Variants in MACROD2 observed in about 807,000 individuals in gnomAD.
MACROD2 encodes mono-ADP ribosylhydrolase 2, also known as ADP-ribose glycohydrolase MACROD2.
In MACROD2, 36 loss-of-function variants were observed where a neutral mutation model predicts 70.4. The ratio of observed to expected loss-of-function variants is 0.51; its 90% CI spans 0.39 to 0.68. The LOEUF (loss-of-function observed/expected upper bound fraction) is 0.68, where lower values mean the gene tolerates loss of function less well. MACROD2 is among the 30% of genes least tolerant of loss of function. The pLI, the probability that MACROD2 is intolerant of heterozygous loss-of-function variation, is 0.00. For synonymous variants in MACROD2, 172 were observed against 178.8 expected, an observed-to-expected ratio of 0.96 and a Z score of 0.30; for missense variants, 496 against 538.4, an observed-to-expected ratio of 0.92 and a Z score of 0.78.
chr20:15,327,412 G>A (rs2077942417), intron 6 of MACROD2, among the ~76,000 whole-genome samples: 1 of 152,086 alleles, frequency 6.6e-6, no homozygotes, highest in Non-Finnish European at 1.5e-5. Context: ...AATTTCTAAA[G>A]GAAAGAGATT....
chr20:14,740,072 G>A (rs1403981353), intron 5 of MACROD2, among the ~76,000 whole-genome samples: 2 of 152,028 alleles, frequency 1.3e-5, no homozygotes, highest in African/African-American at 2.4e-5. Context: ...GGGATGATGG[G>A]TATGTTTCCT....
At chr20:15,573,453 G>T (rs1296650270) in intron 8 of MACROD2, among the ~76,000 whole-genome samples, 1 of 152,050 alleles carries the variant, frequency 6.6e-6, no homozygotes, top group Non-Finnish European at 1.5e-5. Context: ...ATCAGCAAAG[G>T]TTTTTCTCTA....
At chr20:14,140,205 C>T (rs1485366420) in intron 3 of MACROD2, among the ~76,000 whole-genome samples, 3 of 152,240 alleles carry the variant, frequency 2.0e-5, no homozygotes, top group East Asian at 1.9e-4. Flanking sequence ...AGTGGTTTGT[C>T]ATTTACTAGG....
chr20:15,648,329 T>A (rs2049585484), intron 8 of MACROD2, among the ~76,000 whole-genome samples: 1 of 152,226 alleles, frequency 6.6e-6, no homozygotes, highest in Admixed American at 6.5e-5. Flanking sequence ...GCCTTCTTGC[T>A]ATCACTTGAA....
intron 3 of MACROD2, among the ~76,000 whole-genome samples, chr20:14,402,026 A>G (rs2083643065): frequency 6.6e-6 from 1 of 152,136 alleles, no homozygotes; most frequent in South Asian, 2.1e-4. Context: ...TAATATACTT[A>G]GATATAGAAA....
At chr20:15,547,117 G>A (rs1242116089) in intron 8 of MACROD2, among the ~76,000 whole-genome samples, 1 of 152,112 alleles carries the variant, frequency 6.6e-6, no homozygotes, top group Non-Finnish European at 1.5e-5. Context: ...ACCACCCAAG[G>A]TCTACTTAAA....
At chr20:14,532,121 T>C (rs374100570) in intron 4 of MACROD2, among the ~76,000 whole-genome samples, 2 of 152,144 alleles carry the variant, frequency 1.3e-5, no homozygotes, top group Non-Finnish European at 2.9e-5. Flanking sequence ...CCTGTGCTTA[T>C]GCTGAAGGAC....
chr20:14,734,787 G>A lies in MACROD2; in HGVS notation c.418+49828G>A, dbSNP rs182972524. Among the ~76,000 whole-genome samples, 315 of 152,130 alleles carry A rather than the reference G, an allele frequency of 2.1e-3. 1 individual carries two copies. Among genetic ancestry groups the A allele is most frequent in the African/African-American group, 7.1e-3 (296 of 41,512 alleles). ...ACAGCTTGGTACTGGCATGAATATA[G>A]GCATATAGACCAATGAAATAGAATT... On this transcript the variant is annotated intron_variant, in intron 5 of 17. Coordinates refer to ENST00000684519, the MANE Select transcript of MACROD2 (RefSeq NM_001351661.2).
chr20:14,292,684 G>A (rs1384941359), intron 3 of MACROD2, among the ~76,000 whole-genome samples: 1 of 151,880 alleles, frequency 6.6e-6, no homozygotes, highest in Non-Finnish European at 1.5e-5. Context: ...GCCCAGGCTG[G>A]AGTGCAGAGG....
chr20:14,278,996 A>G (rs1323261408), intron 3 of MACROD2, among the ~76,000 whole-genome samples: 1 of 152,152 alleles, frequency 6.6e-6, no homozygotes, highest in Non-Finnish European at 1.5e-5. Context: ...AGCTGGGGGT[A>G]ATGTAGGGTA....
At chr20:15,678,447 C>T (rs2050106920) in intron 8 of MACROD2, among the ~76,000 whole-genome samples, 2 of 151,804 alleles carry the variant, frequency 1.3e-5, no homozygotes, top group Admixed American at 6.6e-5. Flanking sequence ...GCAAGCTCTG[C>T]CTCCCGGGTT....
At position 15,401,462 on chromosome 20, in the gene MACROD2, A is replaced by G. The variant is rs143568232; in HGVS notation, c.541-29943A>G. On this transcript the variant is annotated intron_variant, in intron 6 of 17. Coordinates refer to ENST00000684519, the MANE Select transcript of MACROD2 (RefSeq NM_001351661.2). ...ATGACCTCCAAGGACAAGGGCCCTT[A>G]TTCCACTAATATGAGCTATGATGGC... 9.8e-5 allele frequency among the ~76,000 whole-genome samples: 15 copies of G among 152,310 alleles called. No individual in the cohort carries two copies. The East Asian group carries it at 2.5e-3, about 26-fold the overall frequency.
chr20:14,187,139 G>GAAAAAAAAAAAAAAAAAA (rs71335951), intron 3 of MACROD2, among the ~76,000 whole-genome samples: 2 of 112,974 alleles, frequency 1.8e-5, no homozygotes, highest in Admixed American at 8.6e-5. Flanking sequence ...TTTAAAAAAG[G>GAAAAAAAAAAAAAAAAAA]AAAAAAAAAA....
At chr20:15,254,393 T>G (rs1196062253) in intron 6 of MACROD2, among the ~76,000 whole-genome samples, 1 of 152,114 alleles carries the variant, frequency 6.6e-6, no homozygotes, top group Non-Finnish European at 1.5e-5. Flanking sequence ...CTGCCTTCAG[T>G]TTTTGTTTTT....
At position 15,473,737 on chromosome 20, in the gene MACROD2, C is replaced by T. The variant is rs142729731; in HGVS notation, c.572-26037C>T. Among the ~76,000 whole-genome samples the T allele has an allele frequency of 6.2e-3, 943 of 152,330 alleles. 10 individuals are homozygous for T. Among genetic ancestry groups the T allele is most frequent in the African/African-American group, 0.022 (899 of 41,570 alleles). On this transcript the variant is annotated intron_variant, in intron 7 of 17. Coordinates refer to ENST00000684519, the MANE Select transcript of MACROD2 (RefSeq NM_001351661.2). ...AGTTTCCAACTCTGCTAATATCCAT[C>T]CTGCTCTTAACAGCTTCCTGACTTG...
chr20:15,295,897 C>T (rs752519442), intron 6 of MACROD2, among the ~76,000 whole-genome samples: 11 of 152,258 alleles, frequency 7.2e-5, no homozygotes, highest in Non-Finnish European at 1.2e-4. Context: ...ACGAGACCCT[C>T]GGCTAATAGA....
At chr20:14,670,841 G>A (rs572491619) in intron 4 of MACROD2, among the ~76,000 whole-genome samples, 29 of 152,204 alleles carry the variant, frequency 1.9e-4, no homozygotes, top group African/African-American at 5.3e-4. Context: ...TAGTCAGCAC[G>A]CCCATGTTGA....
intron 6 of MACROD2, among the ~76,000 whole-genome samples, chr20:15,327,995 T>C (rs2077950399): frequency 6.6e-6 from 1 of 152,006 alleles, no homozygotes; most frequent in African/African-American, 2.4e-5. Context: ...AATAACTAAA[T>C]TATATAGTAT....
At chr20:15,440,995 A>G (rs1432642654) in intron 7 of MACROD2, among the ~76,000 whole-genome samples, 1 of 152,178 alleles carries the variant, frequency 6.6e-6, no homozygotes, top group Non-Finnish European at 1.5e-5. Context: ...GAATCAGTGT[A>G]ACTTACTTCC....
Sources: gnomAD v4.1 joint callset for allele counts (sites outside exome capture counted in the v4.1 genomes callset) on GRCh38, gnomAD v4.1.1 for gene constraint, MANE v1.5 for transcripts, NCBI Gene and HGNC (gene_info 2026-07-23, HGNC 2026-07-21) for gene names.